Variants in IMPG1 observed in about 807,000 individuals in gnomAD.
IMPG1 encodes the protein interphotoreceptor matrix proteoglycan 1.
IMPG1 carries 85 observed loss-of-function variants against 92.0 expected under a neutral mutation model. The observed-to-expected ratio is 0.92, with a 90% CI of 0.78 to 1.11. The LOEUF is 1.11. Ranked by LOEUF, IMPG1 falls within the 50% of genes least tolerant of loss-of-function variation. The probability of loss-of-function intolerance (pLI) is 0.00; values close to 1 mark genes in which losing one functional copy is unlikely to be tolerated. For missense variants in IMPG1, 1,022 were observed against 956.0 expected, an observed-to-expected ratio of 1.07 and a Z score of -0.91; for synonymous variants, 367 against 334.1, an observed-to-expected ratio of 1.10 and a Z score of -1.08.
At position 75,930,883 on chromosome 6, in the gene IMPG1, C is replaced by G. The variant is rs150096460; in HGVS notation, c.2243+70G>C. ...GTTGAAAGGACCATATGAATTTACT[C>G]TAATGATGGGTTTCTCAGAAGTGTA... On this transcript the variant is annotated intron_variant, in intron 15 of 16. Coordinates refer to ENST00000369950, the MANE Select transcript of IMPG1 (RefSeq NM_001563.4). The G allele has an allele frequency of 1.8e-4, 249 of 1,356,738 alleles. No homozygotes were observed. In the East Asian group the frequency reaches 5.3e-3, roughly 29 times the overall value. 84.0% of individuals were successfully genotyped at this position (1,356,738 alleles called of 1,614,324 possible).
chr6:76,056,662 G>T (rs764420020), intron 1 of IMPG1, among the ~76,000 whole-genome samples: 8 of 152,050 alleles, frequency 5.3e-5, no homozygotes, highest in Admixed American at 1.3e-4. Context: ...ATGTTCAAAG[G>T]TTCCCTTTTC....
At chr6:76,065,740 T>C (rs2127598607) in intron 1 of IMPG1, among the ~76,000 whole-genome samples, 1 of 152,162 alleles carries the variant, frequency 6.6e-6, no homozygotes, top group Non-Finnish European at 1.5e-5. Context: ...TCCAGAAACA[T>C]CCATTGCAAA....
chr6:75,977,587 C>CA (rs59746948), intron 12 of IMPG1, among the ~76,000 whole-genome samples: 3,197 of 121,266 alleles, frequency 0.026, 94 homozygotes, highest in African/African-American at 0.075. Flanking sequence ...AACTCTGCCT[C>CA]AAAAAAAAAA....
At chr6:76,024,508 T>C (rs1363658712) in intron 5 of IMPG1, among the ~76,000 whole-genome samples, 2 of 152,176 alleles carry the variant, frequency 1.3e-5, no homozygotes, top group African/African-American at 4.8e-5. Context: ...AACTCTAGAA[T>C]AAATAGTAAT....
rs796368565 is a variant in IMPG1 at position 76,001,712 on chromosome 6, T to G, written c.1291+1206A>C. Among the ~76,000 whole-genome samples the G allele has an allele frequency of 3.9e-4, 60 of 152,328 alleles. 1 individual carries two copies. Among genetic ancestry groups the G allele is most frequent in the African/African-American group, 1.3e-3 (53 of 41,582 alleles). ...TCAACACCAGTTGAGATATTCCAGC[T>G]GACACAACATGGAGCAGAGAAAAGC... On this transcript the variant is annotated intron_variant, in intron 12 of 16. Coordinates refer to ENST00000369950, the MANE Select transcript of IMPG1 (RefSeq NM_001563.4).
intron 14 of IMPG1, among the ~76,000 whole-genome samples, chr6:75,939,486 T>C (rs1463491168): frequency 6.6e-6 from 1 of 152,208 alleles, no homozygotes; most frequent in Non-Finnish European, 1.5e-5. Flanking sequence ...TTGCTGAGAA[T>C]GATGGTTTCC....
Position 76,025,268 on chromosome 6 carries a change from C to A in IMPG1, c.498-10G>T. The A allele has an allele frequency of 1.3e-6, 2 of 1,521,574 alleles. No individual in the cohort carries two copies. Among genetic ancestry groups the A allele is most frequent in the Non-Finnish European group, 1.8e-6 (2 of 1,103,496 alleles). The allele number at this position is 1,521,574 out of a possible 1,614,324, so 94.3% of individuals were successfully genotyped here. ...AGATATTTCATCTTTTCTATTAGTA[C>A]AATAGAAAAGAAGGAAGAGGTGGTG... is the stretch of plus-strand genomic sequence containing the variant. On this transcript the variant is annotated splice_polypyrimidine_tract_variant and intron_variant, in intron 4 of 16. Transcript: ENST00000369950.
intron 12 of IMPG1, among the ~76,000 whole-genome samples, chr6:75,992,121 C>T (rs929350478): frequency 6.6e-6 from 1 of 152,234 alleles, no homozygotes; most frequent in Admixed American, 6.5e-5. Context: ...CTGATGTCTG[C>T]AGAGGAAAAG....
At chr6:76,035,218 G>T (rs935306163) in intron 2 of IMPG1, among the ~76,000 whole-genome samples, 6 of 151,776 alleles carry the variant, frequency 4.0e-5, no homozygotes, top group Non-Finnish European at 7.4e-5. Flanking sequence ...AAGATGTGGC[G>T]AGGGCCAGGC....
At chr6:76,019,934 T>G (rs921346326) in intron 6 of IMPG1, among the ~76,000 whole-genome samples, 1 of 152,180 alleles carries the variant, frequency 6.6e-6, no homozygotes, top group Admixed American at 6.5e-5. Flanking sequence ...AGAGATGAGT[T>G]GTCTTAGAAA....
chr6:75,964,368 G>A (rs1039267907), intron 12 of IMPG1, among the ~76,000 whole-genome samples: 6 of 152,102 alleles, frequency 3.9e-5, no homozygotes, highest in African/African-American at 1.4e-4. Context: ...TTTATGTTAT[G>A]TGAATTTTAT....
intron 1 of IMPG1, among the ~76,000 whole-genome samples, chr6:76,046,893 A>G (rs1201244504): frequency 3.9e-5 from 6 of 152,178 alleles, no homozygotes; most frequent in Non-Finnish European, 8.8e-5. Context: ...TTTATTCAAA[A>G]TTTTCATTAG....
chr6:75,988,030 A>C (rs1283243111), intron 12 of IMPG1, among the ~76,000 whole-genome samples: 1 of 152,170 alleles, frequency 6.6e-6, no homozygotes, highest in Non-Finnish European at 1.5e-5. Context: ...ATTGATGGAC[A>C]TTTGGATTGG....
chr6:76,034,811 C>T (rs370189474), intron 2 of IMPG1, 24 bp from the exon 3 acceptor site: 2 of 1,602,872 alleles, frequency 1.2e-6, no homozygotes, highest in Non-Finnish European at 1.7e-6. Context: ...TCATTAATGG[C>T]CATGCCCTAA....
In IMPG1 at chr6:75,929,002, A is replaced by T. The variant is rs566925454; in HGVS notation, c.2243+1951T>A. Among the ~76,000 whole-genome samples, 3 of 149,854 alleles carry T rather than the reference A, an allele frequency of 2.0e-5. No individual in the cohort carries two copies. The South Asian group carries it at 6.2e-4, about 31-fold the overall frequency. On this transcript the variant is annotated intron_variant, in intron 15 of 16. Transcript: ENST00000369950. The stretch of plus-strand genomic sequence containing the variant: ...GCCATGTTTCACAGTAATGTACTGT[A>T]CTCTAACCATTTCCCTATTGATGGG...
intron 5 of IMPG1, among the ~76,000 whole-genome samples, chr6:76,022,908 T>C (rs1442733789): frequency 6.6e-6 from 1 of 152,224 alleles, no homozygotes; most frequent in Non-Finnish European, 1.5e-5. Context: ...GAAACAACTT[T>C]CCATTTCAAC....
intron 14 of IMPG1, among the ~76,000 whole-genome samples, chr6:75,946,994 T>G (rs538468204): frequency 2.7e-3 from 416 of 152,270 alleles, no homozygotes; most frequent in African/African-American, 9.5e-3. Flanking sequence ...GTAAATTAGC[T>G]TGGCTGTGGG....
intron 1 of IMPG1, among the ~76,000 whole-genome samples, chr6:76,048,978 G>T (rs1368178044): frequency 6.6e-6 from 1 of 152,202 alleles, no homozygotes. Flanking sequence ...ACTGGATAAA[G>T]AAAATGTGGT....
chr6:76,038,166 C>T (rs1048734142), intron 2 of IMPG1, among the ~76,000 whole-genome samples: 4 of 152,164 alleles, frequency 2.6e-5, no homozygotes, highest in Non-Finnish European at 4.4e-5. Flanking sequence ...TGAGGTTGAG[C>T]AGTCAAATAA....
Sources: allele counts gnomAD v4.1 joint callset (sites outside exome capture counted in the v4.1 genomes callset), GRCh38; gene constraint gnomAD v4.1.1; transcripts MANE v1.5; gene names NCBI Gene and HGNC (gene_info 2026-07-23, HGNC 2026-07-21).